The following SKIDA1 variants were observed in gnomAD, a reference collection of about 807,000 sequenced individuals.
SKIDA1 encodes the protein SKI/DACH domain containing 1.
A neutral mutation model predicts 51.4 loss-of-function variants in SKIDA1; 18 were observed. That is an observed-to-expected ratio of 0.35 (90% CI 0.24 to 0.52). SKIDA1 has a LOEUF of 0.52. SKIDA1 is among the 20% of genes least tolerant of loss of function. The pLI, the probability that SKIDA1 is intolerant of heterozygous loss-of-function variation, is 0.95. For missense variants in SKIDA1, 1,104 were observed against 1,180.6 expected, an observed-to-expected ratio of 0.94 and a Z score of 0.95; for synonymous variants, 579 against 500.5, an observed-to-expected ratio of 1.16 and a Z score of -2.09.
chr10:21,515,370 C>G lies in SKIDA1; in HGVS notation c.2453G>C (p.Gly818Ala). ...TATAACTGTAAAATCATCCAGTGTT[C>G]CTTCATTTGTCTCAGTTTTACCTGT... ...RPTGKTETNE[G>A]TLDDFTVINR... Residue 818 changes from glycine to alanine, a missense_variant, in exon 4 of 4, where the codon GGA becomes GCA. Physicochemically the swap from Gly to Ala is moderately conservative, Grantham distance 60 (BLOSUM62 0). Around this residue, in one of 3 missense-constraint regions of SKIDA1, gnomAD observed 112 missense variants for 168.3 expected, o/e 0.67. Coordinates refer to ENST00000449193, the MANE Select transcript of SKIDA1 (RefSeq NM_207371.4). The G allele has an allele frequency of 6.2e-7, 1 of 1,613,996 alleles. No homozygotes were observed. Among genetic ancestry groups the G allele is most frequent in the Non-Finnish European group, 8.5e-7 (1 of 1,179,896 alleles).
chr10:21,516,770 GTGGTGGTGGTGGTGGTGGTGA>G lies in SKIDA1; in HGVS notation c.1032_1052del (p.His345_His351del), dbSNP rs1190173285. On this transcript the variant is annotated inframe_deletion, in exon 4 of 4. Coordinates refer to ENST00000449193, the MANE Select transcript of SKIDA1 (RefSeq NM_207371.4). The surrounding 1 kb of genome is among the most constrained non-coding windows in gnomAD (Gnocchi z 5.7). Reference sequence around the variant, plus strand: ...GACTCTGCTGCGGCGGCTGGGCCCGGTGGTGGTGGTGGTGGTGGTGATGGTGGTGGTGGTGGTGGTGGTGCG... The same window carrying G: ...GACTCTGCTGCGGCGGCTGGGCCCGGTGGTGGTGGTGGTGGTGGTGGTGCG... 10 of 1,521,192 alleles carry G rather than the reference GTGGTGGTGGTGGTGGTGGTGA, an allele frequency of 6.6e-6. No individual in the cohort carries two copies. The highest frequency in any genetic ancestry group is 4.2e-5 in the African/African-American group (3 of 72,214). 94.2% of individuals were successfully genotyped at this position (1,521,192 alleles called of 1,614,324 possible). A position where few individuals can be genotyped will look rare whatever the true frequency, so the allele number is the denominator to read the frequency against.
rs2032264620 is a variant in SKIDA1, at chr10:21,517,188, G to C, written c.635C>G (p.Ala212Gly). The C allele has an allele frequency of 7.0e-7, 1 of 1,432,788 alleles. No individual in the cohort carries two copies. Among genetic ancestry groups the C allele is most frequent in the South Asian group, 1.4e-5 (1 of 69,314 alleles). 88.8% of individuals were successfully genotyped at this position (1,432,788 alleles called of 1,614,324 possible). The change falls in exon 4 of 4, where the codon GCT becomes GGT. Residue 212 changes from alanine to glycine, a missense_variant. Physicochemically the swap from Ala to Gly is moderately conservative, Grantham distance 60 (BLOSUM62 0). Around this residue, in one of 3 missense-constraint regions of SKIDA1, gnomAD observed 938 missense variants for 886.4 expected, o/e 1.06. Transcript: ENST00000449193. The surrounding 1 kb of genome is among the most constrained non-coding windows in gnomAD (Gnocchi z 6.9). ...GCTGCACAGCAGGCTCCGAAAATAAGCAGGGTCCGAGGGGAAGGCGACGTA... is the reference window on the plus strand; with the variant it reads ...GCTGCACAGCAGGCTCCGAAAATAACCAGGGTCCGAGGGGAAGGCGACGTA... ...GNYVAFPSDP[A>G]YFRSLLCSKH...
In SKIDA1 at chr10:21,515,501, A is replaced by G. The variant is rs751259530; in HGVS notation, c.2322T>C (p.Gly774=). The G allele has an allele frequency of 1.2e-6, 2 of 1,614,016 alleles. No individual in the cohort carries two copies. Among genetic ancestry groups the G allele is most frequent in the South Asian group, 2.2e-5 (2 of 91,084 alleles). The change falls in exon 4 of 4, where the codon GGT becomes GGC. Residue 774 remains glycine (G), a synonymous_variant. Transcript: ENST00000449193. ...TCCGGTAATTTTTTCTCACCCTGGC[A>G]CCAAATTTATATTCCCCATCCTCAG... ...PKPEDGEYKF[G]ARVRKNYRTL... is the part of the protein sequence containing the mutation.
rs774910850 is a variant in SKIDA1, at chr10:21,515,367, G to C, written c.2456C>G (p.Thr819Arg). Residue 819 changes from threonine to arginine, a missense_variant, in exon 4 of 4, where the codon ACA becomes AGA. By Grantham distance (71) the Thr-to-Arg change is moderately conservative (BLOSUM62 -1). This residue lies in a region of SKIDA1 where 112 missense variants were observed against 168.3 expected (regional missense o/e 0.67). Transcript: ENST00000449193. ...PTGKTETNEG[T>R]LDDFTVINRR... ...GTTTATAACTGTAAAATCATCCAGTGTTCCTTCATTTGTCTCAGTTTTACC... is the reference window on the plus strand; with the variant it reads ...GTTTATAACTGTAAAATCATCCAGTCTTCCTTCATTTGTCTCAGTTTTACC... The C allele has an allele frequency of 4.3e-6, 7 of 1,614,008 alleles. No homozygotes were observed. Among genetic ancestry groups the C allele is most frequent in the Non-Finnish European group, 5.9e-6 (7 of 1,179,900 alleles).
Position 21,515,972 on chromosome 10 carries a change from A to T in SKIDA1, c.1851T>A (p.Ala617=), listed in dbSNP as rs752197655. ...TTHCADNNTI[A]ARFLNNDSSG... is the part of the protein sequence containing the mutation. ...AAGAATCATTATTTAAGAACCTAGC[A>T]GCTATTGTGTTGTTATCTGCACAGT... Residue 617 remains alanine (A), a synonymous_variant, in exon 4 of 4, where the codon GCT becomes GCA. Coordinates refer to ENST00000449193, the MANE Select transcript of SKIDA1 (RefSeq NM_207371.4). 6.2e-7 allele frequency: 1 copy of T among 1,613,850 alleles called. No individual in the cohort carries two copies. Among genetic ancestry groups the T allele is most frequent in the Non-Finnish European group, 8.5e-7 (1 of 1,179,826 alleles).
At position 21,515,710 on chromosome 10, in the gene SKIDA1, T is replaced by C. The variant is rs146340963; in HGVS notation, c.2113A>G (p.Asn705Asp). 6.2e-7 allele frequency: 1 copy of C among 1,614,042 alleles called. No homozygotes were observed. The highest frequency in any genetic ancestry group is 1.3e-5 in the African/African-American group (1 of 75,050). Residue 705 changes from asparagine (N) to aspartate (D), a missense_variant, in exon 4 of 4, where the codon AAT becomes GAT. This residue lies in a region of SKIDA1 where 938 missense variants were observed against 886.4 expected (regional missense o/e 1.06). Coordinates refer to ENST00000449193, the MANE Select transcript of SKIDA1 (RefSeq NM_207371.4). ...NEEYEPHLFT[N>D]KLKCECNDTK... ...TCATTGCACTCGCACTTTAGCTTAT[T>C]TGTAAAAAGGTGAGGTTCATATTCT...
chr10:21,524,409 G>A (rs1008097888), intron 1 of SKIDA1, among the ~76,000 whole-genome samples: 12 of 151,934 alleles, frequency 7.9e-5, no homozygotes, highest in African/African-American at 2.9e-4. Context: ...TTATTTCTTG[G>A]CAAATACTAT....
At position 21,522,264 on chromosome 10, in the gene SKIDA1, C is replaced by CCACCG. The variant is rs2032419216; in HGVS notation, c.-1928-785_-1928-784insCGGTG. Among the ~76,000 whole-genome samples, 2 of 12,042 alleles carry CCACCG rather than the reference C, an allele frequency of 1.7e-4. 1 individual carries two copies. The highest frequency in any genetic ancestry group is 2.9e-4 in the Non-Finnish European group (2 of 6,842). The allele number at this position is 12,042 out of a possible 152,430, so 7.9% of individuals were successfully genotyped here. A position where few individuals can be genotyped will look rare whatever the true frequency, so the allele number is the denominator to read the frequency against. Reference sequence around the variant, plus strand: ...TACATAATTTAAATGAGGATCACAGCCACCCCCCCCCCCCCCCCCCCCCCC... The same window carrying CCACCG: ...TACATAATTTAAATGAGGATCACAGCCACCGCACCCCCCCCCCCCCCCCCCCCCCC... On this transcript the variant is annotated intron_variant, in intron 2 of 3. Coordinates refer to ENST00000449193, the MANE Select transcript of SKIDA1 (RefSeq NM_207371.4).
chr10:21,514,210 C>T lies in SKIDA1; in HGVS notation c.*886G>A, dbSNP rs11012728. 1 of 102,918 alleles carries T rather than the reference C, an allele frequency of 9.7e-6. No homozygotes were observed. Among genetic ancestry groups the T allele is most frequent in the Non-Finnish European group, 1.9e-5 (1 of 52,158 alleles). 6.4% of individuals were successfully genotyped at this position (102,918 alleles called of 1,614,324 possible). A position where few individuals can be genotyped will look rare whatever the true frequency, so the allele number is the denominator to read the frequency against. Reference sequence around the variant, plus strand: ...AGCCTGGGCGACACAGCGAGACTCTCTCCAAAAAAAAAAAAAAAAAAAAAA... The same window carrying T: ...AGCCTGGGCGACACAGCGAGACTCTTTCCAAAAAAAAAAAAAAAAAAAAAA... On this transcript the variant is annotated 3_prime_UTR_variant, in exon 4 of 4. Coordinates refer to ENST00000449193, the MANE Select transcript of SKIDA1 (RefSeq NM_207371.4).
In SKIDA1 at chr10:21,517,928, G is replaced by T. The variant is rs992606581; in HGVS notation, c.-106C>A. The T allele has an allele frequency of 2.0e-6, 2 of 1,021,372 alleles. No homozygotes were observed. Among genetic ancestry groups the T allele is most frequent in the Admixed American group, 3.3e-5 (1 of 30,208 alleles). The allele number at this position is 1,021,372 out of a possible 1,614,324, so 63.3% of individuals were successfully genotyped here. A position where few individuals can be genotyped will look rare whatever the true frequency, so the allele number is the denominator to read the frequency against. ...AGCCAGATGCTGCGTGTGTCTCAAG[G>T]CATCCTGCTAATAAAATAACAAAGA... is the stretch of plus-strand genomic sequence containing the variant. On this transcript the variant is annotated 5_prime_UTR_variant, in exon 4 of 4. Transcript: ENST00000449193. The surrounding 1 kb of genome is among the most constrained non-coding windows in gnomAD (Gnocchi z 6.9).
chr10:21,517,544 G>C lies in SKIDA1; in HGVS notation c.279C>G (p.Thr93=), dbSNP rs890501752. The change falls in exon 4 of 4, where the codon ACC becomes ACG. Residue 93 remains threonine (T), a synonymous_variant. Coordinates refer to ENST00000449193, the MANE Select transcript of SKIDA1 (RefSeq NM_207371.4). The surrounding 1 kb of genome is among the most constrained non-coding windows in gnomAD (Gnocchi z 6.9). ...TGAGGACGCGCTCGGTTTTGCAGGAGGTGTAGAGCGCTTCCACGTCTTCCC... is the reference window on the plus strand; with the variant it reads ...TGAGGACGCGCTCGGTTTTGCAGGACGTGTAGAGCGCTTCCACGTCTTCCC... The part of the protein sequence containing the change: ...ISREDVEALY[T]SCKTERVLKT... 4 of 1,598,704 alleles carry C rather than the reference G, an allele frequency of 2.5e-6. No homozygotes were observed. The highest frequency in any genetic ancestry group is 1.7e-6 in the Non-Finnish European group (2 of 1,172,528).
At chr10:21,524,990 T>TA (rs1208803072) in intron 1 of SKIDA1, among the ~76,000 whole-genome samples, 1 of 152,042 alleles carries the variant, frequency 6.6e-6, no homozygotes, top group Admixed American at 6.6e-5. Context: ...TAAATAATAA[T>TA]AAAAAAGGCT....
chr10:21,518,008 G>T lies in SKIDA1; in HGVS notation c.-186C>A. 3.6e-6 allele frequency: 2 copies of T among 562,998 alleles called. No homozygotes were observed. Among genetic ancestry groups the T allele is most frequent in the Non-Finnish European group, 3.1e-6 (1 of 324,824 alleles). The allele number at this position is 562,998 out of a possible 1,614,324, so 34.9% of individuals were successfully genotyped here. On this transcript the variant is annotated 5_prime_UTR_variant, in exon 4 of 4. Coordinates refer to ENST00000449193, the MANE Select transcript of SKIDA1 (RefSeq NM_207371.4). ...CTCTAGGCGAAATTATTGGGGGGGG[G>T]GAAACCCCATGAAATTACACTGACT...
In SKIDA1 at chr10:21,517,144, C is replaced by T; in HGVS notation, c.679G>A (p.Ala227Thr). Residue 227 changes from alanine to threonine, a missense_variant, in exon 4 of 4, where the codon GCC becomes ACC. Physicochemically the swap from Ala to Thr is moderately conservative, Grantham distance 58 (BLOSUM62 0). Around this residue, in one of 3 missense-constraint regions of SKIDA1, gnomAD observed 938 missense variants for 886.4 expected, o/e 1.06. Coordinates refer to ENST00000449193, the MANE Select transcript of SKIDA1 (RefSeq NM_207371.4). This position sits in a 1 kb window ranked among gnomAD's most constrained non-coding sequence, Gnocchi z 6.9. ...LLCSKHPAAAAAAAAAAAAAA... is the reference protein window; with the variant it reads ...LLCSKHPAAATAAAAAAAAAA... ...GCAGCAGCGGCGGCGGCGGCGGCGG[C>T]GGCGGCTGCCGGGTGTTTGCTGCAC... 2 of 1,252,056 alleles carry T rather than the reference C, an allele frequency of 1.6e-6. No homozygotes were observed. Among genetic ancestry groups the T allele is most frequent in the Non-Finnish European group, 2.0e-6 (2 of 991,996 alleles). The allele number at this position is 1,252,056 out of a possible 1,614,324, so 77.6% of individuals were successfully genotyped here. A position where few individuals can be genotyped will look rare whatever the true frequency, so the allele number is the denominator to read the frequency against.
chr10:21,514,231 A>AG lies in SKIDA1; in HGVS notation c.*864_*865insC, dbSNP rs1490298335. The AG allele has an allele frequency of 2.0e-5, 3 of 150,864 alleles. No individual in the cohort carries two copies. The highest frequency in any genetic ancestry group is 6.6e-5 in the Admixed American group (1 of 15,154). 9.3% of individuals were successfully genotyped at this position (150,864 alleles called of 1,614,324 possible). On this transcript the variant is annotated 3_prime_UTR_variant, in exon 4 of 4. Transcript: ENST00000449193. ...CTCTCTCCAAAAAAAAAAAAAAAAAAAAAAAGAAATATTTCAATTGTTTTG... is the reference window on the plus strand; with the variant it reads ...CTCTCTCCAAAAAAAAAAAAAAAAAAGAAAAAGAAATATTTCAATTGTTTTG...
rs940961120 is a variant in SKIDA1, at chr10:21,518,301, CAATT to C, written c.-483_-480del. The stretch of plus-strand genomic sequence containing the variant: ...TGAGCTCGTCCGGAGACACCTTCAT[CAATT>C]AATTCCCCTAAAGCCAGCGCTGATT... On this transcript the variant is annotated 5_prime_UTR_variant, in exon 4 of 4. Coordinates refer to ENST00000449193, the MANE Select transcript of SKIDA1 (RefSeq NM_207371.4). 1 of 168,002 alleles carries C rather than the reference CAATT, an allele frequency of 6.0e-6. No individual in the cohort carries two copies. The highest frequency in any genetic ancestry group is 2.4e-5 in the African/African-American group (1 of 41,442). 10.4% of individuals were successfully genotyped at this position (168,002 alleles called of 1,614,324 possible). A position where few individuals can be genotyped will look rare whatever the true frequency, so the allele number is the denominator to read the frequency against.
chr10:21,514,917 CAGAAAAAAAAAA>C lies in SKIDA1; in HGVS notation c.*167_*178del. 3.3e-6 allele frequency: 1 copy of C among 300,806 alleles called. No homozygotes were observed. Among genetic ancestry groups the C allele is most frequent in the Non-Finnish European group, 5.1e-6 (1 of 194,786 alleles). 18.6% of individuals were successfully genotyped at this position (300,806 alleles called of 1,614,324 possible). A position where few individuals can be genotyped will look rare whatever the true frequency, so the allele number is the denominator to read the frequency against. On this transcript the variant is annotated 3_prime_UTR_variant, in exon 4 of 4. Transcript: ENST00000449193. ...CTCCCACCCCGCCCCCACCCTACTC[CAGAAAAAAAAAA>C]AAAAACCCGCAACGGAAAAAAAGTA...
intron 3 of SKIDA1, among the ~76,000 whole-genome samples, chr10:21,520,375 G>A (rs2032357266): frequency 6.6e-6 from 1 of 152,158 alleles, no homozygotes; most frequent in Non-Finnish European, 1.5e-5. Flanking sequence ...GTTTTTAAAA[G>A]TAGAATGACC....
rs2032146861 is a variant in SKIDA1 at position 21,514,871 on chromosome 10, G to A, written c.*225C>T. 1 of 509,288 alleles carries A rather than the reference G, an allele frequency of 2.0e-6. No individual in the cohort carries two copies. The allele number at this position is 509,288 out of a possible 1,614,324, so 31.5% of individuals were successfully genotyped here. On this transcript the variant is annotated 3_prime_UTR_variant, in exon 4 of 4. Transcript: ENST00000449193. Reference sequence around the variant, plus strand: ...TTGAGTCTTTAGCCTGAAGTAGTCTGTGGAATGTAAACCAACCCTTCTCCC... The same window carrying A: ...TTGAGTCTTTAGCCTGAAGTAGTCTATGGAATGTAAACCAACCCTTCTCCC...
Sources: allele counts gnomAD v4.1 joint callset (sites outside exome capture counted in the v4.1 genomes callset), GRCh38; gene constraint gnomAD v4.1.1; regional missense constraint gnomAD v4.1.1; non-coding constraint Gnocchi (gnomAD v3.1); transcripts MANE v1.5; gene names NCBI Gene and HGNC (gene_info 2026-07-23, HGNC 2026-07-21).